SLCO2B1: variants seen among roughly 807,000 people sequenced by gnomAD.
SLCO2B1 encodes the protein solute carrier organic anion transporter family member 2B1.
In SLCO2B1, 41 loss-of-function variants were observed where a neutral mutation model predicts 67.3. That is an observed-to-expected ratio of 0.61 (90% CI 0.47 to 0.79). SLCO2B1 has a LOEUF of 0.79. Among genes scored for constraint, SLCO2B1 ranks in the 30% least tolerant of loss-of-function variants. The probability of loss-of-function intolerance (pLI) is 0.00; values close to 1 mark genes in which losing one functional copy is unlikely to be tolerated. For synonymous variants in SLCO2B1, 379 were observed against 381.4 expected, an observed-to-expected ratio of 0.99 and a Z score of 0.07; for missense variants, 837 against 920.1, an observed-to-expected ratio of 0.91 and a Z score of 1.17.
rs368918877 is a variant in SLCO2B1 at position 75,169,215 on chromosome 11, C to A, written c.491C>A (p.Thr164Lys). Residue 164 changes from threonine to lysine, a missense_variant, in exon 5 of 14, where the codon ACA becomes AAA. Transcript: ENST00000289575. ...TTCAAGGCTTCCCTGTGCCTGCCCA[C>A]AACCTCGGCCCCAGCCTCGGCCCCC... ...QDFKASLCLP[T>K]TSAPASAPSN... The A allele has an allele frequency of 3.7e-6, 6 of 1,614,032 alleles. No homozygotes were observed. In the African/African-American group the frequency reaches 8.0e-5, roughly 22 times the overall value.
chr11:75,162,527 T>G (rs919075642), intron 1 of SLCO2B1, 128 bp from the exon 2 acceptor site: 20 of 1,019,926 alleles, frequency 2.0e-5, no homozygotes, highest in Non-Finnish European at 2.7e-5. Context: ...GATTCTCAGA[T>G]TCTCATCAAC....
intron 7 of SLCO2B1, among the ~76,000 whole-genome samples, chr11:75,174,654 T>A (rs1950002997): frequency 6.6e-6 from 1 of 152,240 alleles, no homozygotes; most frequent in Admixed American, 6.5e-5. Flanking sequence ...CCTTTCTGAT[T>A]CTGCCTAGTT....
rs1945048286 is a variant in SLCO2B1, at chr11:75,193,085, T to C, written c.1076-133T>C. The C allele has an allele frequency of 4.6e-6, 3 of 652,066 alleles. No individual in the cohort carries two copies. Among genetic ancestry groups the C allele is most frequent in the Non-Finnish European group, 7.9e-6 (3 of 379,558 alleles). The allele number at this position is 652,066 out of a possible 1,614,324, so 40.4% of individuals were successfully genotyped here. On this transcript the variant is annotated intron_variant, in intron 8 of 13. Coordinates refer to ENST00000289575, the MANE Select transcript of SLCO2B1 (RefSeq NM_007256.5). The surrounding 1 kb of genome is among the most constrained non-coding windows in gnomAD (Gnocchi z 4.2). The stretch of plus-strand genomic sequence containing the variant: ...ATGGAGTCAAGTGGGATAAAATTGA[T>C]TGCAATAGAATTAAGTGGAATGGGG...
At chr11:75,196,152 G>A in intron 9 of SLCO2B1, 1 of 195,694 alleles carries the variant, frequency 5.1e-6, no homozygotes, top group South Asian at 1.1e-4. Context: ...GATTTTCTGA[G>A]AAATGAAGCA....
Position 75,193,574 on chromosome 11 carries a change from A to G in SLCO2B1, c.1432A>G (p.Ser478Gly). 2 of 1,543,680 alleles carry G rather than the reference A, an allele frequency of 1.3e-6. No individual in the cohort carries two copies. The highest frequency in any genetic ancestry group is 1.7e-6 in the Non-Finnish European group (2 of 1,144,282). ...HQIAGITHQTSAHPGLELSPS... is the reference protein window; with the variant it reads ...HQIAGITHQTGAHPGLELSPS... ...GATTGCGGGCATCACACACCAGACC[A>G]GGTGAGTGTGTGCGTGGGCACGTAA... Residue 478 changes from serine to glycine, a missense_variant and splice_region_variant, in exon 9 of 14, where the codon AGT (serine) becomes GGT (glycine). Physicochemically the swap from Ser to Gly is moderately conservative, Grantham distance 56. Transcript: ENST00000289575. This position sits in a 1 kb window ranked among gnomAD's most constrained non-coding sequence, Gnocchi z 4.2.
At chr11:75,196,418 C>G in intron 9 of SLCO2B1, 96 bp from the exon 10 acceptor site, 2 of 1,247,384 alleles carry the variant, frequency 1.6e-6, no homozygotes, top group Non-Finnish European at 2.2e-6. Context: ...GCTGAAATCT[C>G]TGGCCATTGC....
At position 75,202,746 on chromosome 11, in the gene SLCO2B1, G is replaced by T. The variant is rs1160294699; in HGVS notation, c.1764-155G>T. ...TGCAGGTTGAAAAAGGATGGGGTAC[G>T]TCCCTGAGCCCCCAGCCTAGATCAT... On this transcript the variant is annotated intron_variant, in intron 11 of 13. Coordinates refer to ENST00000289575, the MANE Select transcript of SLCO2B1 (RefSeq NM_007256.5). The T allele has an allele frequency of 1.3e-5, 9 of 693,590 alleles. No homozygotes were observed. The Middle Eastern group carries it at 8.1e-4, about 63-fold the overall frequency. The allele number at this position is 693,590 out of a possible 1,614,324, so 43.0% of individuals were successfully genotyped here.
intron 7 of SLCO2B1, among the ~76,000 whole-genome samples, chr11:75,179,002 A>G (rs1307086600): frequency 6.6e-6 from 1 of 152,072 alleles, no homozygotes; most frequent in Non-Finnish European, 1.5e-5. Context: ...CATTTTCTTT[A>G]TCCATTCATC....
chr11:75,170,563 G>A (rs538738068), intron 6 of SLCO2B1, among the ~76,000 whole-genome samples: 56 of 152,304 alleles, frequency 3.7e-4, no homozygotes, highest in African/African-American at 1.3e-3. Context: ...ATTCTCACCT[G>A]CAGACTTTCT....
intron 1 of SLCO2B1, among the ~76,000 whole-genome samples, chr11:75,154,636 T>A (rs1488367653): frequency 6.6e-6 from 1 of 152,244 alleles, no homozygotes; most frequent in East Asian, 1.9e-4. Flanking sequence ...GAGCCCTTCC[T>A]GGCCTCCTCT....
rs768055058 is a variant in SLCO2B1, at chr11:75,162,686, C to A, written c.48C>A (p.Asp16Glu). 3.7e-6 allele frequency: 6 copies of A among 1,613,754 alleles called. No individual in the cohort carries two copies. The highest frequency in any genetic ancestry group is 4.2e-6 in the Non-Finnish European group (5 of 1,179,932). ...GPAGEVPQVPDKETKATMGTE... is the reference protein window; with the variant it reads ...GPAGEVPQVPEKETKATMGTE... ...CGGGTGAGGTACCCCAGGTACCAGA[C>A]AAGGAAACCAAAGCCACAATGGGCA... The change falls in exon 2 of 14, where the codon GAC becomes GAA. Residue 16 changes from aspartate to glutamate, a missense_variant. Physicochemically the swap from Asp to Glu is conservative, Grantham distance 45. Coordinates refer to ENST00000289575, the MANE Select transcript of SLCO2B1 (RefSeq NM_007256.5).
intron 7 of SLCO2B1, 72 bp downstream of exon 7, chr11:75,172,641 A>G (rs1949976614): frequency 1.4e-6 from 2 of 1,397,412 alleles, no homozygotes. Flanking sequence ...TTGTAACATT[A>G]CACTTCGGCT....
At chr11:75,185,501 CTTT>C (rs11381669) in intron 7 of SLCO2B1, among the ~76,000 whole-genome samples, 2 of 106,178 alleles carry the variant, frequency 1.9e-5, no homozygotes, top group African/African-American at 7.8e-5. Flanking sequence ...GTATAAGTCT[CTTT>C]TTTTTTTTTT....
At chr11:75,177,216 C>A (rs1419904919) in intron 7 of SLCO2B1, among the ~76,000 whole-genome samples, 1 of 152,072 alleles carries the variant, frequency 6.6e-6, no homozygotes, top group African/African-American at 2.4e-5. Context: ...CCAAGTAGTT[C>A]TACTATTTTG....
intron 7 of SLCO2B1, among the ~76,000 whole-genome samples, chr11:75,187,759 A>T (rs114169536): frequency 0.071 from 10,798 of 152,136 alleles, 930 homozygotes; most frequent in African/African-American, 0.21. Flanking sequence ...TCATTTAGTC[A>T]CAACGATATG....
chr11:75,179,086 A>G (rs1028549921), intron 7 of SLCO2B1, among the ~76,000 whole-genome samples: 1 of 151,820 alleles, frequency 6.6e-6, no homozygotes. Flanking sequence ...GAGAGTGCAG[A>G]TCTCTCTCCT....
At chr11:75,183,662 C>T (rs1258937745) in intron 7 of SLCO2B1, among the ~76,000 whole-genome samples, 1 of 152,116 alleles carries the variant, frequency 6.6e-6, no homozygotes, top group African/African-American at 2.4e-5. Flanking sequence ...GTAGCTGGGA[C>T]CACAGGTGCA....
intron 7 of SLCO2B1, among the ~76,000 whole-genome samples, chr11:75,174,440 A>T (rs913600005): frequency 5.3e-5 from 8 of 152,202 alleles, no homozygotes; most frequent in Non-Finnish European, 1.2e-4. Flanking sequence ...GAAGCCGTGC[A>T]TTGGCAGTGA....
rs867895882 is a variant in SLCO2B1 at position 75,172,522 on chromosome 11, C to T, written c.925C>T (p.Gln309Ter). The T allele has an allele frequency of 1.2e-6, 2 of 1,614,222 alleles. No individual in the cohort carries two copies. The highest frequency in any genetic ancestry group is 1.7e-6 in the Non-Finnish European group (2 of 1,180,032). The part of the protein sequence containing the change: ...KEMPKEKREL[Q>*]FRRKVLAVTD... ...AATGCCCAAGGAAAAACGTGAGCTTCAGTTTCGGCGAAAGGTCTTAGCAGT... is the reference window on the plus strand; with the variant it reads ...AATGCCCAAGGAAAAACGTGAGCTTTAGTTTCGGCGAAAGGTCTTAGCAGT... Residue 309 changes from glutamine to a stop codon, truncating the protein, a stop_gained, in exon 7 of 14, where the codon CAG becomes TAG. Coordinates refer to ENST00000289575, the MANE Select transcript of SLCO2B1 (RefSeq NM_007256.5). LOFTEE classifies it high-confidence loss of function.
Sources: allele counts gnomAD v4.1 joint callset (sites outside exome capture counted in the v4.1 genomes callset), GRCh38; gene constraint gnomAD v4.1.1; non-coding constraint Gnocchi (gnomAD v3.1); transcripts MANE v1.5; gene names NCBI Gene and HGNC (gene_info 2026-07-23, HGNC 2026-07-21).